Variants in CSGALNACT1 observed in about 807,000 individuals in gnomAD.
CSGALNACT1 encodes chondroitin sulfate N-acetylgalactosaminyltransferase 1.
In CSGALNACT1, 52 loss-of-function variants were observed where a neutral mutation model predicts 51.0. The ratio of observed to expected loss-of-function variants is 1.02; its 90% CI spans 0.82 to 1.29. CSGALNACT1 has a LOEUF of 1.29. Ranked by LOEUF, CSGALNACT1 falls within the 50% of genes most tolerant of loss-of-function variation. The pLI is 0.00. For synonymous variants in CSGALNACT1, 341 were observed against 254.4 expected, an observed-to-expected ratio of 1.34 and a Z score of -3.24; for missense variants, 935 against 679.2, an observed-to-expected ratio of 1.38 and a Z score of -4.19.
intron 3 of CSGALNACT1, among the ~76,000 whole-genome samples, chr8:19,546,912 A>G (rs979497125): frequency 5.3e-5 from 8 of 152,136 alleles, no homozygotes; most frequent in African/African-American, 1.7e-4. Flanking sequence ...TGGCTTCACA[A>G]TATCTCTTCA....
chr8:19,511,022 C>T (rs1279564312), intron 3 of CSGALNACT1, among the ~76,000 whole-genome samples: 1 of 152,226 alleles, frequency 6.6e-6, no homozygotes, highest in Non-Finnish European at 1.5e-5. Context: ...GATATGCCTA[C>T]TAATGTCCAC....
intron 8 of CSGALNACT1, among the ~76,000 whole-genome samples, chr8:19,415,608 C>G (rs1199474086): frequency 2.0e-5 from 3 of 152,102 alleles, no homozygotes; most frequent in Non-Finnish European, 4.4e-5. Context: ...CAACTCCTAC[C>G]CTGCAGGAAT....
In CSGALNACT1 at chr8:19,667,064, A is replaced by G. The variant is rs1162538505; in HGVS notation, c.-544+15409T>C. On this transcript the variant is annotated intron_variant, in intron 1 of 9. Coordinates refer to the CSGALNACT1 transcript ENST00000332246. ...GGAAGAAAGAAAGAAAGAAAGAAAG[A>G]AAGAAAGAAAGAAAGAAAGAAAGAA... 1.3e-3 allele frequency among the ~76,000 whole-genome samples: 162 copies of G among 124,378 alleles called. 13 individuals carry two copies. Among genetic ancestry groups the G allele is most frequent in the South Asian group, 0.011 (42 of 3,690 alleles). 81.6% of individuals were successfully genotyped at this position (124,378 alleles called of 152,430 possible). A position where few individuals can be genotyped will look rare whatever the true frequency, so the allele number is the denominator to read the frequency against.
intron 4 of CSGALNACT1, among the ~76,000 whole-genome samples, chr8:19,485,846 AACCTC>A (rs1206169437): frequency 7.5e-6 from 1 of 133,474 alleles, no homozygotes; most frequent in African/African-American, 2.7e-5. Context: ...GGCTCAGCAC[AACCTC>A]TGCCTACCAG....
At chr8:19,540,366 G>T (rs7814548) in intron 3 of CSGALNACT1, among the ~76,000 whole-genome samples, 17,392 of 152,142 alleles carry the variant, frequency 0.11, 1,132 homozygotes, top group South Asian at 0.19. Flanking sequence ...GGATTATAAA[G>T]TAGGTCTTCT....
intron 1 of CSGALNACT1, among the ~76,000 whole-genome samples, chr8:19,636,401 A>C (rs1423996717): frequency 6.6e-6 from 1 of 152,188 alleles, no homozygotes; most frequent in Admixed American, 6.5e-5. Flanking sequence ...ATCTGGGAGC[A>C]TATCCCTTGT....
chr8:19,683,762 C>T (rs2060800656), upstream of CSGALNACT1, among the ~76,000 whole-genome samples: 1 of 151,936 alleles, frequency 6.6e-6, no homozygotes, highest in East Asian at 1.9e-4. Flanking sequence ...AAAAATGATT[C>T]TTAAGCTTTC....
intron 1 of CSGALNACT1, among the ~76,000 whole-genome samples, chr8:19,667,021 AAGGAAGGAAGGAAGG>A (rs1310204061): frequency 0.021 from 880 of 41,368 alleles, 73 homozygotes; most frequent in African/African-American, 0.04. Context: ...GAAAGAAAGG[AAGGAAGGAAGGAAGG>A]AAGGAAGAAA....
intron 1 of CSGALNACT1, among the ~76,000 whole-genome samples, chr8:19,661,712 G>C (rs1041655995): frequency 6.6e-6 from 1 of 152,162 alleles, no homozygotes; most frequent in African/African-American, 2.4e-5. Flanking sequence ...CACATGGGAG[G>C]ATATGGCCAT....
chr8:19,753,371 G>A (rs1341858773), intron 1 of CSGALNACT1, among the ~76,000 whole-genome samples: 3 of 152,008 alleles, frequency 2.0e-5, no homozygotes, highest in African/African-American at 4.8e-5. Context: ...AAACCAGATT[G>A]TCTTACCGTA....
intron 1 of CSGALNACT1, among the ~76,000 whole-genome samples, chr8:19,750,565 T>C (rs2064967944): frequency 6.6e-6 from 1 of 152,146 alleles, no homozygotes; most frequent in Non-Finnish European, 1.5e-5. Context: ...AACAAGCCTA[T>C]AAGATGTTAT....
chr8:19,438,647 A>T (rs973476111), intron 6 of CSGALNACT1, among the ~76,000 whole-genome samples: 4 of 152,204 alleles, frequency 2.6e-5, no homozygotes, highest in Admixed American at 1.3e-4. Flanking sequence ...CTTTGTGGTG[A>T]CTACTCAGCT....
chr8:19,709,604 G>T (rs1281887180), intron 1 of CSGALNACT1, among the ~76,000 whole-genome samples: 6 of 152,188 alleles, frequency 3.9e-5, no homozygotes, highest in African/African-American at 1.4e-4. Context: ...GAAAGCCCTT[G>T]GTGACTTCTG....
At chr8:19,429,824 A>G (rs1302106374) in intron 6 of CSGALNACT1, among the ~76,000 whole-genome samples, 1 of 152,218 alleles carries the variant, frequency 6.6e-6, no homozygotes, top group Admixed American at 6.5e-5. Flanking sequence ...CAGTGGCTGC[A>G]CCATTTTTCA....
At chr8:19,741,066 G>A (rs533158444) in intron 1 of CSGALNACT1, among the ~76,000 whole-genome samples, 29 of 152,332 alleles carry the variant, frequency 1.9e-4, no homozygotes, top group South Asian at 1.4e-3. Flanking sequence ...ACTTTTGTGC[G>A]TAGGTTGAAG....
intron 5 of CSGALNACT1, among the ~76,000 whole-genome samples, chr8:19,450,302 G>C (rs1300685971): frequency 1.3e-5 from 2 of 149,980 alleles, no homozygotes; most frequent in African/African-American, 4.9e-5. Flanking sequence ...GAAGGAGGAG[G>C]AGGAATAGGA....
intron 4 of CSGALNACT1, among the ~76,000 whole-genome samples, chr8:19,489,913 G>A (rs776024949): frequency 7.9e-5 from 12 of 152,186 alleles, no homozygotes; most frequent in Admixed American, 3.9e-4. Context: ...AGCCCTGTGT[G>A]TTCTAACCAA....
intron 1 of CSGALNACT1, among the ~76,000 whole-genome samples, chr8:19,644,546 C>T (rs1243589181): frequency 6.6e-6 from 1 of 151,094 alleles, no homozygotes; most frequent in Non-Finnish European, 1.5e-5. Flanking sequence ...CCCATCTCTA[C>T]TAAAAATACA....
intron 4 of CSGALNACT1, among the ~76,000 whole-genome samples, chr8:19,469,976 G>A (rs11779939): frequency 0.55 from 84,079 of 152,008 alleles, 24,239 homozygotes; most frequent in East Asian, 0.86. Flanking sequence ...GGGAATAAAT[G>A]CAATAGGGTA....
Sources: allele counts gnomAD v4.1 joint callset (sites outside exome capture counted in the v4.1 genomes callset), GRCh38; gene constraint gnomAD v4.1.1; transcripts MANE v1.5; gene names NCBI Gene and HGNC (gene_info 2026-07-23, HGNC 2026-07-21).